Variants in RYR3 observed in about 807,000 individuals in gnomAD.
The protein encoded by RYR3 is brain ryanodine receptor-calcium release channel.
Under a neutral mutation model 584.3 loss-of-function variants are expected in RYR3, and 207 were observed. The ratio of observed to expected loss-of-function variants is 0.35; its 90% CI spans 0.32 to 0.40. RYR3 has a LOEUF of 0.40. Ranked by LOEUF, RYR3 falls within the 10% of genes least tolerant of loss-of-function variation. RYR3 has a pLI of 1.00. For missense variants in RYR3, 5,616 were observed against 6,089.2 expected (o/e 0.92, Z 2.59); for synonymous variants, 2,416 against 2,248.5 (o/e 1.07, Z -2.11).
chr15:33,465,942 T>C (rs1368196960), intron 1 of RYR3, among the ~76,000 whole-genome samples: 1 of 152,106 alleles, frequency 6.6e-6, no homozygotes, highest in Non-Finnish European at 1.5e-5. Flanking sequence ...CCCCAGAGAA[T>C]AGAGTTGCCA....
chr15:33,660,405 A>G lies in RYR3; in HGVS notation c.4604A>G (p.His1535Arg). ...CLEPLQMMAL[H>R]IPEENRCVDI... ...GAGCCCCTGCAGATGATGGCGCTCC[A>G]CATCCCCGAGGAGAACAGGTACCAG... The change falls in exon 34 of 104, where the codon CAC becomes CGC. Residue 1535 changes from histidine (H) to arginine (R), a missense_variant. Around this residue, in one of 9 missense-constraint regions of RYR3, gnomAD observed 753 missense variants for 741.0 expected, o/e 1.02. Transcript: ENST00000634891. 2 of 1,568,558 alleles carry G rather than the reference A, an allele frequency of 1.3e-6. No individual in the cohort carries two copies. The highest frequency in any genetic ancestry group is 1.7e-6 in the Non-Finnish European group (2 of 1,156,694).
chr15:33,862,238 G>C (rs544841031), intron 102 of RYR3, among the ~76,000 whole-genome samples: 1 of 152,128 alleles, frequency 6.6e-6, no homozygotes, highest in Non-Finnish European at 1.5e-5. Flanking sequence ...GATAGATAGG[G>C]TCTCAACCCC....
At chr15:33,364,126 A>G (rs999864336) in intron 1 of RYR3, among the ~76,000 whole-genome samples, 2 of 152,206 alleles carry the variant, frequency 1.3e-5, no homozygotes, top group Admixed American at 6.5e-5. Flanking sequence ...TGAAATGACA[A>G]ATATCTTGGA....
rs117332065 is a variant in RYR3, at chr15:33,716,182, G to A, written c.6620-6533G>A. On this transcript the variant is annotated intron_variant, in intron 43 of 103. Coordinates refer to ENST00000634891, the MANE Select transcript of RYR3 (RefSeq NM_001036.6). The stretch of plus-strand genomic sequence containing the variant: ...CAGAAACCAAGCAGTTGCTGGCACC[G>A]TTTCCTGTATAGCCTGCAGAACCAA... Among the ~76,000 whole-genome samples the A allele has an allele frequency of 4.5e-3, 685 of 152,234 alleles. 5 individuals are homozygous for A. The highest frequency in any genetic ancestry group is 8.0e-3 in the Non-Finnish European group (543 of 67,996).
chr15:33,371,024 A>G (rs1316855672), intron 1 of RYR3, among the ~76,000 whole-genome samples: 5 of 152,230 alleles, frequency 3.3e-5, no homozygotes, highest in Admixed American at 3.3e-4. Context: ...CTCAGTAAAC[A>G]TTTGGTGACT....
intron 1 of RYR3, among the ~76,000 whole-genome samples, chr15:33,360,297 G>T (rs1420659296): frequency 1.3e-5 from 2 of 151,714 alleles, no homozygotes; most frequent in Non-Finnish European, 2.9e-5. Flanking sequence ...CCAGCCCCAG[G>T]CCGTCACTGA....
intron 18 of RYR3, among the ~76,000 whole-genome samples, chr15:33,609,174 A>G (rs1379659074): frequency 6.6e-6 from 1 of 152,186 alleles, no homozygotes; most frequent in Non-Finnish European, 1.5e-5. Flanking sequence ...TGGAATTTGT[A>G]TTTTTATCCA....
At chr15:33,669,857 G>GA (rs55726756) in intron 37 of RYR3, among the ~76,000 whole-genome samples, 1 of 60,220 alleles carries the variant, frequency 1.7e-5, no homozygotes, top group African/African-American at 7.0e-5. Context: ...GGGGGGGGGG[G>GA]GTGTGGGTGT....
chr15:33,805,284 T>G (rs1261917856), intron 69 of RYR3, among the ~76,000 whole-genome samples: 1 of 152,150 alleles, frequency 6.6e-6, no homozygotes, highest in East Asian at 1.9e-4. Flanking sequence ...GCAGGAAATA[T>G]TAGAGTGCCT....
chr15:33,702,145 G>A (rs565149379), intron 42 of RYR3, among the ~76,000 whole-genome samples: 3 of 152,288 alleles, frequency 2.0e-5, no homozygotes, highest in African/African-American at 4.8e-5. Flanking sequence ...AGTGTCATGC[G>A]GTTAGTCAGT....
At chr15:33,677,375 C>T (rs2064254062) in intron 38 of RYR3, among the ~76,000 whole-genome samples, 1 of 152,198 alleles carries the variant, frequency 6.6e-6, no homozygotes, top group South Asian at 2.1e-4. Flanking sequence ...TCCCTGAGTC[C>T]TTCGCTGTGC....
At chr15:33,621,997 A>G (rs1308330206) in intron 19 of RYR3, among the ~76,000 whole-genome samples, 2 of 152,132 alleles carry the variant, frequency 1.3e-5, no homozygotes, top group African/African-American at 2.4e-5. Flanking sequence ...CACTCAGTCC[A>G]TGAGCAATTC....
chr15:33,626,387 T>C (rs1026207460), intron 20 of RYR3, among the ~76,000 whole-genome samples: 1 of 152,172 alleles, frequency 6.6e-6, no homozygotes, highest in African/African-American at 2.4e-5. Flanking sequence ...ATTTAGGGTA[T>C]CTGGGGGAAG....
In RYR3 at chr15:33,548,197, C is replaced by T. The variant is rs753191794; in HGVS notation, c.808C>T (p.Arg270Trp). The T allele has an allele frequency of 1.4e-5, 23 of 1,608,458 alleles. No individual in the cohort carries two copies. Among genetic ancestry groups the T allele is most frequent in the African/African-American group, 4.0e-5 (3 of 74,814 alleles). Residue 270 changes from arginine (R) to tryptophan (W), a missense_variant, in exon 9 of 104, where the codon CGG (arginine) becomes TGG (tryptophan). Around this residue, in one of 9 missense-constraint regions of RYR3, gnomAD observed 1,284 missense variants for 1,344.6 expected, o/e 0.95. Coordinates refer to ENST00000634891, the MANE Select transcript of RYR3 (RefSeq NM_001036.6). ...GTCTCTTTGGAGAGTGGAACCCCTTCGGATAAGGTAATGGAAGGCCTGGGA... is the reference window on the plus strand; with the variant it reads ...GTCTCTTTGGAGAGTGGAACCCCTTTGGATAAGGTAATGGAAGGCCTGGGA... Reference protein sequence around the residue: ...ARSLWRVEPLRISWSGSNIRW... With the variant: ...ARSLWRVEPLWISWSGSNIRW...
chr15:33,799,302 C>T (rs772311460), intron 67 of RYR3, among the ~76,000 whole-genome samples: 6 of 152,128 alleles, frequency 3.9e-5, no homozygotes, highest in Non-Finnish European at 7.4e-5. Flanking sequence ...ACCAACTCTG[C>T]AATTAGAGGG....
At position 33,865,368 on chromosome 15, in the gene RYR3, T is replaced by A; in HGVS notation, c.*142T>A. On this transcript the variant is annotated 3_prime_UTR_variant, in exon 104 of 104. Transcript: ENST00000634891. ...AAAAAAAACTGCTGAAAATCTGTGC[T>A]ATTTTGAAATTGATTTGGCTTTTTG... is the stretch of plus-strand genomic sequence containing the variant. The A allele has an allele frequency of 3.1e-6, 2 of 640,080 alleles. No homozygotes were observed. The highest frequency in any genetic ancestry group is 5.4e-6 in the Non-Finnish European group (2 of 372,922). The allele number at this position is 640,080 out of a possible 1,614,324, so 39.7% of individuals were successfully genotyped here.
At chr15:33,363,848 G>A (rs1975106426) in intron 1 of RYR3, among the ~76,000 whole-genome samples, 1 of 151,910 alleles carries the variant, frequency 6.6e-6, no homozygotes, top group South Asian at 2.1e-4. Flanking sequence ...ATGGAGGAAT[G>A]GAATTTAAAA....
At position 33,579,976 on chromosome 15, in the gene RYR3, C is replaced by T. The variant is rs674155; in HGVS notation, c.1269C>T (p.Ser423=). 0.75 allele frequency: 1,194,663 copies of T among 1,602,654 alleles called. 450,467 individuals carry two copies. Among genetic ancestry groups the T allele is most frequent in the Middle Eastern group, 0.83 (4,967 of 6,008 alleles). The change falls in exon 13 of 104, where the codon AGC becomes AGT. Residue 423 remains serine (S), a splice_region_variant and synonymous_variant. Coordinates refer to ENST00000634891, the MANE Select transcript of RYR3 (RefSeq NM_001036.6). The part of the protein sequence containing the change: ...NTTALFSQFV[S]GNNRTAAPIT... The stretch of plus-strand genomic sequence containing the variant: ...ACCATGTCAATCTCATGGTTTTTAG[C>T]GGAAACAATCGCACAGCTGCCCCCA...
chr15:33,739,801 C>G (rs1374880220), intron 50 of RYR3, 31 bp from the exon 51 acceptor site: 2 of 1,601,254 alleles, frequency 1.2e-6, no homozygotes, highest in Non-Finnish European at 8.5e-7. Flanking sequence ...TCTGCTTTCT[C>G]TACTAATGTG....
Sources: gnomAD v4.1 joint callset for allele counts (sites outside exome capture counted in the v4.1 genomes callset) on GRCh38, gnomAD v4.1.1 for gene constraint, gnomAD v4.1.1 regional missense constraint, MANE v1.5 for transcripts, NCBI Gene and HGNC (gene_info 2026-07-23, HGNC 2026-07-21) for gene names.